The following CRYZL1 variants were observed in gnomAD, a reference collection of about 807,000 sequenced individuals.
CRYZL1 encodes ferry endosomal RAB5 effector complex subunit 4.
A neutral mutation model predicts 50.6 loss-of-function variants in CRYZL1; 34 were observed. That is an observed-to-expected ratio of 0.67 (90% CI 0.51 to 0.89). The LOEUF is 0.89. Among genes scored for constraint, CRYZL1 ranks in the 40% least tolerant of loss-of-function variants. The probability of loss-of-function intolerance (pLI) is 0.00; values close to 1 mark genes in which losing one functional copy is unlikely to be tolerated. For missense variants in CRYZL1, 354 were observed against 402.3 expected (o/e 0.88, Z 1.03); for synonymous variants, 125 against 134.3 (o/e 0.93, Z 0.48).
intron 2 of CRYZL1, among the ~76,000 whole-genome samples, chr21:33,629,386 C>T (rs2087110581): frequency 6.6e-6 from 1 of 152,114 alleles, no homozygotes; most frequent in Non-Finnish European, 1.5e-5. Context: ...CTCAGCCTCC[C>T]GAGTAACTGG....
chr21:33,636,601 T>C (rs2087209469), intron 1 of CRYZL1, among the ~76,000 whole-genome samples: 1 of 152,198 alleles, frequency 6.6e-6, no homozygotes. Flanking sequence ...CAATTTAGAA[T>C]AATTTTTAGC....
chr21:33,609,692 T>C (rs189303857), intron 6 of CRYZL1, among the ~76,000 whole-genome samples: 4 of 151,948 alleles, frequency 2.6e-5, no homozygotes, highest in Admixed American at 2.6e-4. Flanking sequence ...TCTTTCCTTC[T>C]CTTCTCTTTT....
chr21:33,640,942 C>A (rs927567127), intron 1 of CRYZL1, among the ~76,000 whole-genome samples: 2 of 152,136 alleles, frequency 1.3e-5, no homozygotes, highest in Non-Finnish European at 2.9e-5. Flanking sequence ...ATGATAATGT[C>A]TCAGATATAC....
intron 1 of CRYZL1, chr21:33,640,266 C>A (rs954629718): frequency 1.3e-5 from 20 of 1,530,272 alleles, no homozygotes; most frequent in Non-Finnish European, 1.8e-5. Context: ...GGCGAACTAC[C>A]TCACTTTCAA....
At chr21:33,607,378 C>T (rs1271391962) in intron 6 of CRYZL1, among the ~76,000 whole-genome samples, 4 of 152,108 alleles carry the variant, frequency 2.6e-5, no homozygotes. Context: ...GTGGCTCATA[C>T]CTGTAATGCC....
At chr21:33,595,961 A>T in intron 10 of CRYZL1, 125 bp from the exon 11 acceptor site, 1 of 676,214 alleles carries the variant, frequency 1.5e-6, no homozygotes, top group South Asian at 1.7e-5. Context: ...ATATGCACAT[A>T]AACTTTAATA....
At chr21:33,634,900 TA>T (rs1198338620) in intron 1 of CRYZL1, among the ~76,000 whole-genome samples, 1 of 149,338 alleles carries the variant, frequency 6.7e-6, no homozygotes. Context: ...TATATATATA[TA>T]TATAAAATAA....
At chr21:33,615,937 A>AT (rs925066601) in intron 5 of CRYZL1, among the ~76,000 whole-genome samples, 3 of 152,142 alleles carry the variant, frequency 2.0e-5, no homozygotes, top group East Asian at 1.9e-4. Context: ...AAATATATAT[A>AT]TTTTTTATTA....
chr21:33,628,603 CTTTTT>C (rs35970580), intron 2 of CRYZL1, among the ~76,000 whole-genome samples: 2 of 120,388 alleles, frequency 1.7e-5, no homozygotes, highest in African/African-American at 3.3e-5. Context: ...TAATTTCTTT[CTTTTT>C]TTTTTTTTTT....
At chr21:33,601,489 TC>T (rs1317911829) in intron 8 of CRYZL1, among the ~76,000 whole-genome samples, 3 of 152,206 alleles carry the variant, frequency 2.0e-5, no homozygotes, top group Non-Finnish European at 2.9e-5. Flanking sequence ...CCAGCCTGCA[TC>T]AGGTGTTTCT....
rs527260372 is a variant in CRYZL1, at chr21:33,624,556, A to G, written c.144+127T>C. On this transcript the variant is annotated intron_variant, in intron 3 of 12. Transcript: ENST00000381554. ...AAGAGTGAAACTCCGTCTCAAATAAAAAAATTAACAAAAATGAAGATGGTA... is the reference window on the plus strand; with the variant it reads ...AAGAGTGAAACTCCGTCTCAAATAAGAAAATTAACAAAAATGAAGATGGTA... 1.2e-5 allele frequency: 18 copies of G among 1,446,164 alleles called. No individual in the cohort carries two copies. In the African/African-American group the frequency reaches 2.2e-4, roughly 18 times the overall value. The allele number at this position is 1,446,164 out of a possible 1,614,324, so 89.6% of individuals were successfully genotyped here.
chr21:33,607,536 G>C (rs1413374889), intron 6 of CRYZL1, among the ~76,000 whole-genome samples: 3 of 152,136 alleles, frequency 2.0e-5, no homozygotes, highest in Admixed American at 6.6e-5. Flanking sequence ...GGAGGCTGAG[G>C]TGGGAGGATC....
At chr21:33,599,017 G>A in intron 9 of CRYZL1, 133 bp downstream of exon 9, 1 of 764,430 alleles carries the variant, frequency 1.3e-6, no homozygotes, top group African/African-American at 1.8e-5. Context: ...AAAGTCTTCA[G>A]TTAAAAACAA....
In CRYZL1 at chr21:33,589,874, A is replaced by G. The variant is rs1433307897; in HGVS notation, c.998T>C (p.Met333Thr). 4.3e-6 allele frequency: 7 copies of G among 1,612,964 alleles called. No homozygotes were observed. The highest frequency in any genetic ancestry group is 2.2e-5 in the East Asian group (1 of 44,836). The part of the protein sequence containing the change: ...PIPLYEAKVS[M>T]EAVQKNQGRK... ...TCCTTGATTTTTCTGAACAGCTTCCATGGAAACTTTTGCCTCATACAGTGG... is the reference window on the plus strand; with the variant it reads ...TCCTTGATTTTTCTGAACAGCTTCCGTGGAAACTTTTGCCTCATACAGTGG... The change falls in exon 13 of 13, where the codon ATG becomes ACG. Residue 333 changes from methionine to threonine, a missense_variant. By Grantham distance (81) the Met-to-Thr change is moderately conservative. Transcript: ENST00000381554.
intron 1 of CRYZL1, among the ~76,000 whole-genome samples, chr21:33,635,644 G>A (rs2087197861): frequency 2.0e-5 from 3 of 147,486 alleles, no homozygotes; most frequent in East Asian, 2.2e-4. Context: ...GTGAGCCACC[G>A]CGCCCGGCCA....
At chr21:33,591,568 C>A in intron 11 of CRYZL1, 1 of 279,118 alleles carries the variant, frequency 3.6e-6, no homozygotes, top group Non-Finnish European at 6.8e-6. Flanking sequence ...ACAATTTTAG[C>A]ACGTATATAT....
At chr21:33,629,287 A>G (rs2087109627) in intron 2 of CRYZL1, among the ~76,000 whole-genome samples, 1 of 152,088 alleles carries the variant, frequency 6.6e-6, no homozygotes, top group South Asian at 2.1e-4. Flanking sequence ...TTGGAGATGG[A>G]GTCTTGCTCT....
chr21:33,611,232 A>G (rs1282866564), intron 6 of CRYZL1, among the ~76,000 whole-genome samples: 1 of 152,156 alleles, frequency 6.6e-6, no homozygotes, highest in Non-Finnish European at 1.5e-5. Context: ...CAATTTCAAG[A>G]TAGCTCTGGA....
chr21:33,616,646 A>C, intron 5 of CRYZL1, 60 bp downstream of exon 5: 1 of 1,602,906 alleles, frequency 6.2e-7, no homozygotes, highest in South Asian at 1.1e-5. Context: ...AGTTATATAG[A>C]AAAAACAGAG....
Sources: gnomAD v4.1 joint callset for allele counts (sites outside exome capture counted in the v4.1 genomes callset) on GRCh38, gnomAD v4.1.1 for gene constraint, MANE v1.5 for transcripts, NCBI Gene and HGNC (gene_info 2026-07-23, HGNC 2026-07-21) for gene names.